DLGAP2: variants seen among roughly 807,000 people sequenced by gnomAD.
The protein encoded by DLGAP2 is DLG associated protein 2.
In DLGAP2, 26 loss-of-function variants were observed where a neutral mutation model predicts 100.3. That is an observed-to-expected ratio of 0.26 (90% CI 0.19 to 0.36). The LOEUF (loss-of-function observed/expected upper bound fraction) is 0.36, where lower values mean the gene tolerates loss of function less well. DLGAP2 is among the 10% of genes least tolerant of loss of function. The pLI is 1.00. For synonymous variants in DLGAP2, 886 were observed against 630.1 expected (o/e 1.41, Z -6.08); for missense variants, 1,858 against 1,453.2 (o/e 1.28, Z -4.53).
chr8:1,380,866 GA>G (rs1796076758), intron 3 of DLGAP2, among the ~76,000 whole-genome samples: 1 of 124,274 alleles, frequency 8.0e-6, no homozygotes, highest in African/African-American at 3.0e-5. Flanking sequence ...AAAGCCATAA[GA>G]ATTGCAAAAT....
chr8:1,645,246 T>C (rs61174006), intron 8 of DLGAP2, among the ~76,000 whole-genome samples: 39,941 of 152,152 alleles, frequency 0.26, 6,292 homozygotes, highest in African/African-American at 0.45. Context: ...ATCATCCACA[T>C]TCTGTAGAAA....
At chr8:1,263,237 G>C (rs1183187558) in intron 3 of DLGAP2, among the ~76,000 whole-genome samples, 1 of 152,018 alleles carries the variant, frequency 6.6e-6, no homozygotes, top group Non-Finnish European at 1.5e-5. Flanking sequence ...TGGATTATTT[G>C]GGTAATGTTT....
intron 1 of DLGAP2, among the ~76,000 whole-genome samples, chr8:770,939 G>A (rs1040040310): frequency 6.6e-6 from 1 of 151,864 alleles, no homozygotes; most frequent in Non-Finnish European, 1.5e-5. Context: ...CTGTAGGGCA[G>A]GTTGATGTGG....
intron 4 of DLGAP2, among the ~76,000 whole-genome samples, chr8:1,504,304 G>A (rs550294078): frequency 1.3e-5 from 2 of 152,114 alleles, no homozygotes; most frequent in East Asian, 3.9e-4. Flanking sequence ...TGTGTGTATA[G>A]TATACAACGT....
intron 3 of DLGAP2, among the ~76,000 whole-genome samples, chr8:1,309,469 G>GA (rs1290443383): frequency 1.3e-5 from 2 of 151,530 alleles, no homozygotes; most frequent in East Asian, 1.9e-4. Flanking sequence ...AGTTCCTAAA[G>GA]AAAAAAAAAT....
intron 1 of DLGAP2, among the ~76,000 whole-genome samples, chr8:799,513 C>A (rs1360787366): frequency 6.6e-6 from 1 of 152,194 alleles, no homozygotes; most frequent in Non-Finnish European, 1.5e-5. Flanking sequence ...TTGGCTGGCT[C>A]TGTGTACCTA....
At position 1,441,796 on chromosome 8, in the gene DLGAP2, TTTATTTA is replaced by T. The variant is rs199662588; in HGVS notation, c.107-59569_107-59563del. ...CAACAGCTTGACCAGTTTTTTTTTTTTTATTTAATTTAATTTAATTTAAAGTTCTGGG... is the reference window on the plus strand; with the variant it reads ...CAACAGCTTGACCAGTTTTTTTTTTTATTTAATTTAATTTAAAGTTCTGGG... On this transcript the variant is annotated intron_variant, in intron 3 of 14. Coordinates refer to ENST00000637795, the MANE Select transcript of DLGAP2 (RefSeq NM_001346810.2). Among the ~76,000 whole-genome samples, 196 of 151,698 alleles carry T rather than the reference TTTATTTA, an allele frequency of 1.3e-3. 1 individual carries two copies. The highest frequency in any genetic ancestry group is 4.4e-3 in the African/African-American group (181 of 41,174).
intron 2 of DLGAP2, among the ~76,000 whole-genome samples, chr8:952,684 A>T: frequency 6.6e-6 from 1 of 152,178 alleles, no homozygotes; most frequent in East Asian, 1.9e-4. Flanking sequence ...TCATATTAAT[A>T]AAAGAAACAG....
intron 3 of DLGAP2, among the ~76,000 whole-genome samples, chr8:1,370,183 A>C (rs1172886298): frequency 6.6e-6 from 1 of 152,154 alleles, no homozygotes; most frequent in Non-Finnish European, 1.5e-5. Context: ...GTTCTCTCTC[A>C]GTGTCCTCAG....
intron 2 of DLGAP2, among the ~76,000 whole-genome samples, chr8:1,130,757 T>C (rs1304186086): frequency 6.6e-6 from 1 of 152,218 alleles, no homozygotes; most frequent in Admixed American, 6.5e-5. Context: ...TTTGGTGCAG[T>C]CATCTTTGCG....
At chr8:1,080,267 G>A (rs1435682180) in intron 2 of DLGAP2, among the ~76,000 whole-genome samples, 2 of 152,214 alleles carry the variant, frequency 1.3e-5, no homozygotes, top group African/African-American at 4.8e-5. Flanking sequence ...TGTGATGCGG[G>A]CGCCACCCCC....
chr8:1,335,517 C>T (rs571619850), intron 3 of DLGAP2, among the ~76,000 whole-genome samples: 3 of 152,180 alleles, frequency 2.0e-5, no homozygotes, highest in Admixed American at 2.0e-4. Context: ...GACATGATGG[C>T]CCAGAAAGAC....
intron 2 of DLGAP2, among the ~76,000 whole-genome samples, chr8:1,193,107 A>G (rs1001136085): frequency 3.9e-5 from 6 of 152,050 alleles, no homozygotes; most frequent in African/African-American, 9.7e-5. Context: ...AGTCTTTGCT[A>G]TGGTGAATAG....
chr8:1,341,418 T>A (rs192449038), intron 3 of DLGAP2, among the ~76,000 whole-genome samples: 1 of 152,208 alleles, frequency 6.6e-6, no homozygotes, highest in Non-Finnish European at 1.5e-5. Context: ...ATAGCCAAAT[T>A]GTTATTGAAC....
At chr8:1,169,999 G>A (rs1347572375) in intron 2 of DLGAP2, among the ~76,000 whole-genome samples, 1 of 151,614 alleles carries the variant, frequency 6.6e-6, no homozygotes, top group Non-Finnish European at 1.5e-5. Context: ...TGCCCATTCA[G>A]TATGATATTG....
At chr8:842,555 G>GTACA (rs1162658286) in intron 1 of DLGAP2, among the ~76,000 whole-genome samples, 5 of 152,054 alleles carry the variant, frequency 3.3e-5, no homozygotes, top group Admixed American at 6.5e-5. Context: ...AATTTCTCTG[G>GTACA]TACATGGTCG....
At chr8:855,952 A>G (rs1387839295) in intron 1 of DLGAP2, among the ~76,000 whole-genome samples, 2 of 152,204 alleles carry the variant, frequency 1.3e-5, no homozygotes, top group Admixed American at 6.5e-5. Flanking sequence ...TTCTTACTAA[A>G]TGATGAGAAA....
intron 3 of DLGAP2, among the ~76,000 whole-genome samples, chr8:1,428,484 C>G (rs1416636603): frequency 6.6e-6 from 1 of 151,942 alleles, no homozygotes; most frequent in African/African-American, 2.4e-5. Context: ...AGCTACTTGG[C>G]TAACATGAGA....
intron 2 of DLGAP2, among the ~76,000 whole-genome samples, chr8:1,249,792 G>A (rs560649480): frequency 9.2e-5 from 14 of 152,092 alleles, no homozygotes; most frequent in Non-Finnish European, 1.3e-4. Flanking sequence ...CTTAACCCTC[G>A]GTGCACATCC....
Sources: gnomAD v4.1 joint callset for allele counts (sites outside exome capture counted in the v4.1 genomes callset) on GRCh38, gnomAD v4.1.1 for gene constraint, MANE v1.5 for transcripts, NCBI Gene and HGNC (gene_info 2026-07-23, HGNC 2026-07-21) for gene names.